Variants in PCSK5 observed in about 807,000 individuals in gnomAD.
PCSK5 encodes the protein prohormone convertase 5.
A neutral mutation model predicts 233.2 loss-of-function variants in PCSK5; 129 were observed. The ratio of observed to expected loss-of-function variants is 0.55; its 90% CI spans 0.48 to 0.64. The LOEUF (loss-of-function observed/expected upper bound fraction) is 0.64, where lower values mean the gene tolerates loss of function less well. Among genes scored for constraint, PCSK5 ranks in the 30% least tolerant of loss-of-function variants. The probability of loss-of-function intolerance (pLI) is 0.00; values close to 1 mark genes in which losing one functional copy is unlikely to be tolerated. For synonymous variants in PCSK5, 825 were observed against 879.2 expected, an observed-to-expected ratio of 0.94 and a Z score of 1.09; for missense variants, 2,076 against 2,430.1, an observed-to-expected ratio of 0.85 and a Z score of 3.06.
At chr9:76,159,602 C>G (rs1822758968) in intron 12 of PCSK5, among the ~76,000 whole-genome samples, 2 of 152,128 alleles carry the variant, frequency 1.3e-5, no homozygotes, top group Non-Finnish European at 2.9e-5. Flanking sequence ...TTTTTCTGCA[C>G]AGAGCCAGAC....
intron 2 of PCSK5, among the ~76,000 whole-genome samples, chr9:75,963,539 G>T (rs1434590444): frequency 1.3e-5 from 2 of 152,106 alleles, no homozygotes; most frequent in Admixed American, 1.3e-4. Context: ...GTGGGCTGGG[G>T]GTAGTGTTAG....
At chr9:76,032,621 A>G (rs1378078302) in intron 5 of PCSK5, among the ~76,000 whole-genome samples, 2 of 152,214 alleles carry the variant, frequency 1.3e-5, no homozygotes, top group African/African-American at 2.4e-5. Context: ...AGAGGAGATC[A>G]TAAAAACCCA....
intron 3 of PCSK5, among the ~76,000 whole-genome samples, chr9:76,018,990 C>T (rs186906877): frequency 6.6e-6 from 1 of 152,176 alleles, no homozygotes; most frequent in Non-Finnish European, 1.5e-5. Context: ...AGTTTTAACA[C>T]AAGAGTTACA....
chr9:76,291,027 C>T (rs1828261125), intron 24 of PCSK5, among the ~76,000 whole-genome samples: 1 of 152,240 alleles, frequency 6.6e-6, no homozygotes, highest in South Asian at 2.1e-4. Context: ...GGAAGCTCAA[C>T]TTCCAGGCCA....
intron 20 of PCSK5, among the ~76,000 whole-genome samples, chr9:76,219,894 A>C (rs1324789432): frequency 6.6e-6 from 1 of 152,366 alleles, no homozygotes; most frequent in South Asian, 2.1e-4. Context: ...GTCAACATGT[A>C]TTAAAACTTA....
intron 2 of PCSK5, among the ~76,000 whole-genome samples, chr9:75,946,754 A>G (rs1298593603): frequency 6.6e-6 from 1 of 151,888 alleles, no homozygotes; most frequent in East Asian, 1.9e-4. Flanking sequence ...ATGCCAGCTA[A>G]TTTTTTTGTA....
At chr9:76,343,531 C>T (rs540815121) in intron 35 of PCSK5, among the ~76,000 whole-genome samples, 2 of 152,088 alleles carry the variant, frequency 1.3e-5, no homozygotes, top group African/African-American at 2.4e-5. Flanking sequence ...AGTATGTTTG[C>T]GTATGAGGCC....
At chr9:76,260,737 C>T (rs562198493) in intron 24 of PCSK5, among the ~76,000 whole-genome samples, 16 of 152,282 alleles carry the variant, frequency 1.1e-4, no homozygotes, top group African/African-American at 3.6e-4. Context: ...GAGATCTCTA[C>T]CAGACTTCTA....
At chr9:76,090,774 A>G (rs1831253350) in intron 7 of PCSK5, among the ~76,000 whole-genome samples, 1 of 152,290 alleles carries the variant, frequency 6.6e-6, no homozygotes, top group South Asian at 2.1e-4. Flanking sequence ...CATTACGCAC[A>G]TTATTTCTCT....
intron 26 of PCSK5, among the ~76,000 whole-genome samples, chr9:76,296,239 A>G (rs1828433588): frequency 6.6e-6 from 1 of 152,216 alleles, no homozygotes; most frequent in Non-Finnish European, 1.5e-5. Flanking sequence ...TGCTGGGATT[A>G]CAAGCATGAG....
At chr9:76,293,252 A>G (rs778040329) in intron 25 of PCSK5, among the ~76,000 whole-genome samples, 1 of 152,256 alleles carries the variant, frequency 6.6e-6, no homozygotes, top group Non-Finnish European at 1.5e-5. Flanking sequence ...GGTAATAGGT[A>G]AGAAAAAGTA....
chr9:75,891,152 C>G lies in PCSK5; in HGVS notation c.-30C>G. 1 of 1,441,550 alleles carries G rather than the reference C, an allele frequency of 6.9e-7. No individual in the cohort carries two copies. The highest frequency in any genetic ancestry group is 9.0e-7 in the Non-Finnish European group (1 of 1,105,832). 89.3% of individuals were successfully genotyped at this position (1,441,550 alleles called of 1,614,324 possible). A position where few individuals can be genotyped will look rare whatever the true frequency, so the allele number is the denominator to read the frequency against. On this transcript the variant is annotated 5_prime_UTR_variant, in exon 1 of 38. Transcript: ENST00000674117. ...GCCCTTAGTGCGCGGAACCAGCCAG[C>G]GAGCGAGGGAGCAGCGAGGCGCCGG...
chr9:76,050,116 A>G (rs1829570677), intron 5 of PCSK5, among the ~76,000 whole-genome samples: 1 of 152,200 alleles, frequency 6.6e-6, no homozygotes, highest in Non-Finnish European at 1.5e-5. Flanking sequence ...CTTGATAGAT[A>G]TTTGCTGAAT....
intron 35 of PCSK5, among the ~76,000 whole-genome samples, chr9:76,349,417 C>A (rs1248571267): frequency 6.6e-6 from 1 of 152,040 alleles, no homozygotes; most frequent in Non-Finnish European, 1.5e-5. Flanking sequence ...GAAGCTAGAG[C>A]TAAGATAAAA....
chr9:75,978,342 A>G (rs1826118459), intron 2 of PCSK5, among the ~76,000 whole-genome samples: 3 of 152,214 alleles, frequency 2.0e-5, no homozygotes, highest in African/African-American at 7.2e-5. Flanking sequence ...TTAAAACACA[A>G]GTTACTAAGT....
chr9:76,189,086 C>CTTT lies in PCSK5; in HGVS notation c.2381-6_2381-4dup. ...TTTCTCGTTTCCTGTGTTTGTCTTG[C>CTTT]TTTTAAGGGGCAGGAGCTGATGGGT... On this transcript the variant is annotated splice_region_variant and splice_polypyrimidine_tract_variant and intron_variant, in intron 18 of 37. Transcript: ENST00000674117. 2.5e-6 allele frequency: 4 copies of CTTT among 1,611,438 alleles called. No homozygotes were observed. The South Asian group carries it at 4.4e-5, about 18-fold the overall frequency.
intron 7 of PCSK5, among the ~76,000 whole-genome samples, chr9:76,093,523 A>G (rs1831383808): frequency 6.6e-6 from 1 of 152,024 alleles, no homozygotes; most frequent in Non-Finnish European, 1.5e-5. Flanking sequence ...CTTTTTAAAG[A>G]TAGTTTAATT....
chr9:75,998,798 C>T (rs1695342266), intron 3 of PCSK5, among the ~76,000 whole-genome samples: 2 of 152,138 alleles, frequency 1.3e-5, no homozygotes. Context: ...TCATTTATTG[C>T]CCCCTTTACT....
At chr9:76,004,066 G>A (rs1827375807) in intron 3 of PCSK5, among the ~76,000 whole-genome samples, 1 of 152,088 alleles carries the variant, frequency 6.6e-6, no homozygotes, top group Non-Finnish European at 1.5e-5. Context: ...TCAAAGTGCT[G>A]GGATTATAGG....
Sources: gnomAD v4.1 joint callset for allele counts (sites outside exome capture counted in the v4.1 genomes callset) on GRCh38, gnomAD v4.1.1 for gene constraint, MANE v1.5 for transcripts, NCBI Gene and HGNC (gene_info 2026-07-23, HGNC 2026-07-21) for gene names.